EYS: variants seen among roughly 807,000 people sequenced by gnomAD.
EYS encodes protein eyes shut homolog.
A neutral mutation model predicts 282.1 loss-of-function variants in EYS; 250 were observed. The observed-to-expected ratio is 0.89, with a 90% CI of 0.80 to 0.98. The LOEUF (loss-of-function observed/expected upper bound fraction) is 0.98, where lower values mean the gene tolerates loss of function less well. Among genes scored for constraint, EYS ranks in the 50% least tolerant of loss-of-function variants. The probability of loss-of-function intolerance (pLI) is 0.00; values close to 1 mark genes in which losing one functional copy is unlikely to be tolerated. For synonymous variants in EYS, 1,355 were observed against 1,282.9 expected (o/e 1.06, Z -1.20); for missense variants, 4,016 against 3,709.0 (o/e 1.08, Z -2.15).
At chr6:65,359,193 T>A (rs574181277) in intron 8 of EYS, among the ~76,000 whole-genome samples, 1 of 152,124 alleles carries the variant, frequency 6.6e-6, no homozygotes, top group African/African-American at 2.4e-5. Flanking sequence ...ATCAAGAAAT[T>A]GTCTATAAAA....
intron 28 of EYS, among the ~76,000 whole-genome samples, chr6:64,423,563 C>G (rs889163315): frequency 6.6e-6 from 1 of 152,054 alleles, no homozygotes; most frequent in South Asian, 2.1e-4. Context: ...GTTAAGAAAC[C>G]AAATTCTTGG....
At chr6:65,346,365 A>G (rs1770392311) in intron 9 of EYS, among the ~76,000 whole-genome samples, 1 of 151,486 alleles carries the variant, frequency 6.6e-6, no homozygotes, top group Middle Eastern at 3.2e-3. Flanking sequence ...ACAAAACTAT[A>G]ACATTTTTAG....
chr6:64,522,591 C>T (rs1582849678), intron 26 of EYS, among the ~76,000 whole-genome samples: 1 of 151,672 alleles, frequency 6.6e-6, no homozygotes, highest in Non-Finnish European at 1.5e-5. Context: ...CTCCTGAAAT[C>T]TCTCAAGCAT....
chr6:65,697,419 T>C lies in EYS; in HGVS notation c.-448+9716A>G, dbSNP rs190324941. Among the ~76,000 whole-genome samples the C allele has an allele frequency of 2.0e-5, 3 of 152,206 alleles. No homozygotes were observed. In the East Asian group the frequency reaches 5.8e-4, roughly 29 times the overall value. On this transcript the variant is annotated intron_variant, in intron 1 of 42. Transcript: ENST00000503581. ...GCTTGAGTGACCATTTGAGGTTTCA[T>C]CTTGCATTCTATTTGTGCAGGTAGT...
chr6:64,709,026 ACAC>A (rs1771121668), intron 22 of EYS, among the ~76,000 whole-genome samples: 2 of 152,178 alleles, frequency 1.3e-5, no homozygotes, highest in South Asian at 4.1e-4. Flanking sequence ...ACATACACAC[ACAC>A]ACACACACAG....
intron 12 of EYS, among the ~76,000 whole-genome samples, chr6:65,222,006 T>A: frequency 6.6e-6 from 1 of 152,150 alleles, no homozygotes; most frequent in Non-Finnish European, 1.5e-5. Context: ...CCATTTGAAA[T>A]GGGTATATTT....
At chr6:65,141,398 C>T (rs961911400) in intron 12 of EYS, among the ~76,000 whole-genome samples, 6 of 151,680 alleles carry the variant, frequency 4.0e-5, no homozygotes, top group East Asian at 1.9e-4. Flanking sequence ...TGCTAAATGA[C>T]GAGTTAATGG....
At chr6:65,548,735 G>T (rs1329865733) in intron 2 of EYS, among the ~76,000 whole-genome samples, 6 of 152,168 alleles carry the variant, frequency 3.9e-5, no homozygotes, top group Non-Finnish European at 5.9e-5. Context: ...TACACTATAA[G>T]ATTTGCTGAG....
chr6:64,520,196 T>C (rs889578300), intron 26 of EYS, among the ~76,000 whole-genome samples: 2 of 151,758 alleles, frequency 1.3e-5, no homozygotes, highest in Admixed American at 1.3e-4. Context: ...TAGGGTGTTC[T>C]CAACCCATTT....
chr6:64,068,836 G>A (rs941248160), intron 32 of EYS, among the ~76,000 whole-genome samples: 1 of 151,992 alleles, frequency 6.6e-6, no homozygotes, highest in Non-Finnish European at 1.5e-5. Context: ...GTACTAATTG[G>A]TGGAACTGGT....
At chr6:65,573,077 T>G (rs13328243) in intron 2 of EYS, among the ~76,000 whole-genome samples, 2 of 152,204 alleles carry the variant, frequency 1.3e-5, no homozygotes, top group East Asian at 3.9e-4. Flanking sequence ...ATATAGGCAA[T>G]GAGAATCAGG....
At chr6:64,686,034 T>G (rs9345376) in intron 22 of EYS, among the ~76,000 whole-genome samples, 103,079 of 151,460 alleles carry the variant, frequency 0.68, 36,136 homozygotes, top group Middle Eastern at 0.78. Context: ...CACAATGCAC[T>G]TCTAACTCAC....
At chr6:64,905,535 A>G (rs1767799256) in intron 16 of EYS, among the ~76,000 whole-genome samples, 1 of 152,204 alleles carries the variant, frequency 6.6e-6, no homozygotes, top group Admixed American at 6.5e-5. Context: ...TAACAAATAC[A>G]CACGAATGGT....
intron 35 of EYS, among the ~76,000 whole-genome samples, chr6:63,966,385 T>C (rs1334715189): frequency 6.6e-6 from 1 of 152,056 alleles, no homozygotes; most frequent in Non-Finnish European, 1.5e-5. Context: ...GGGTGAGGGA[T>C]AAAAGACTAC....
intron 12 of EYS, among the ~76,000 whole-genome samples, chr6:65,164,269 G>A (rs1764917228): frequency 6.6e-6 from 1 of 151,214 alleles, no homozygotes; most frequent in Admixed American, 6.6e-5. Flanking sequence ...TGGAAATCAT[G>A]CGTATGTTAT....
intron 22 of EYS, among the ~76,000 whole-genome samples, chr6:64,787,645 C>A (rs1024342272): frequency 4.0e-5 from 6 of 150,674 alleles, no homozygotes; most frequent in Non-Finnish European, 8.9e-5. Flanking sequence ...TTCCTGTTAT[C>A]TCTTTCTGAA....
At chr6:64,668,776 C>T (rs1022778914) in intron 22 of EYS, among the ~76,000 whole-genome samples, 5 of 151,510 alleles carry the variant, frequency 3.3e-5, no homozygotes, top group Non-Finnish European at 5.9e-5. Flanking sequence ...AGCATGTTGG[C>T]CAGGATGGTC....
intron 14 of EYS, among the ~76,000 whole-genome samples, chr6:64,987,650 C>T (rs1770906729): frequency 6.6e-6 from 1 of 151,368 alleles, no homozygotes; most frequent in African/African-American, 2.4e-5. Flanking sequence ...GCTGTATATT[C>T]CCCGTGTCTC....
intron 26 of EYS, among the ~76,000 whole-genome samples, chr6:64,517,539 C>T (rs911186428): frequency 1.3e-5 from 2 of 151,720 alleles, no homozygotes; most frequent in Non-Finnish European, 2.9e-5. Flanking sequence ...AGATTAAAAA[C>T]ATCAAGAGTT....
Sources: gnomAD v4.1 joint callset for allele counts (sites outside exome capture counted in the v4.1 genomes callset) on GRCh38, gnomAD v4.1.1 for gene constraint, MANE v1.5 for transcripts, NCBI Gene and HGNC (gene_info 2026-07-23, HGNC 2026-07-21) for gene names.